The following CLIC4 variants were observed in gnomAD, a reference collection of about 807,000 sequenced individuals.
The protein encoded by CLIC4 is chloride intracellular channel protein 4.
In CLIC4, 13 loss-of-function variants were observed where a neutral mutation model predicts 24.6. The ratio of observed to expected loss-of-function variants is 0.53; its 90% confidence interval spans 0.34 to 0.84. The LOEUF (loss-of-function observed/expected upper bound fraction) is 0.84, where lower values mean the gene tolerates loss of function less well. Ranked by LOEUF, CLIC4 falls within the 40% of genes least tolerant of loss-of-function variation. CLIC4 has a pLI of 0.01. For missense variants in CLIC4, 227 were observed against 301.7 expected, an observed-to-expected ratio of 0.75 and a Z score of 1.83; for synonymous variants, 104 against 111.3, an observed-to-expected ratio of 0.93 and a Z score of 0.41.
chr1:24,802,250 T>C (rs1422147556), intron 2 of CLIC4, among the ~76,000 whole-genome samples: 2 of 152,094 alleles, frequency 1.3e-5, no homozygotes, highest in African/African-American at 4.8e-5. Flanking sequence ...TATTTCAGAG[T>C]TGTCTGTTTC....
intron 1 of CLIC4, among the ~76,000 whole-genome samples, chr1:24,796,508 AC>A (rs200022093): frequency 0.015 from 2,245 of 152,162 alleles, 68 homozygotes; most frequent in African/African-American, 0.052. Flanking sequence ...TTTTTATTCT[AC>A]TTTTTCTATG....
intron 1 of CLIC4, among the ~76,000 whole-genome samples, chr1:24,750,324 A>G (rs1001474380): frequency 3.5e-5 from 4 of 113,662 alleles, no homozygotes; most frequent in Non-Finnish European, 8.6e-5. Context: ...GGAGCCTGGT[A>G]GGTGTATATA....
chr1:24,835,507 G>T (rs934562438), intron 4 of CLIC4, among the ~76,000 whole-genome samples: 1 of 152,200 alleles, frequency 6.6e-6, no homozygotes, highest in Admixed American at 6.5e-5. Flanking sequence ...AGGTTGCAGC[G>T]AGCTGAGATT....
chr1:24,785,494 T>C (rs1225198866), intron 1 of CLIC4, among the ~76,000 whole-genome samples: 3 of 152,338 alleles, frequency 2.0e-5, no homozygotes, highest in South Asian at 4.1e-4. Context: ...CTGCAGACCC[T>C]GTAGAAGAAC....
intron 1 of CLIC4, among the ~76,000 whole-genome samples, chr1:24,752,003 G>A (rs1282317185): frequency 1.3e-5 from 2 of 152,198 alleles, no homozygotes; most frequent in African/African-American, 2.4e-5. Flanking sequence ...GCTGGGATTG[G>A]GGTGGTGTTT....
chr1:24,823,881 A>C (rs1639760477), intron 3 of CLIC4, among the ~76,000 whole-genome samples: 1 of 152,174 alleles, frequency 6.6e-6, no homozygotes, highest in African/African-American at 2.4e-5. Flanking sequence ...TCTTTCCTAA[A>C]AGCATGGAAA....
intron 3 of CLIC4, among the ~76,000 whole-genome samples, chr1:24,820,063 GTATGTATATATA>G (rs1371403797): frequency 3.6e-4 from 4 of 11,208 alleles, no homozygotes; most frequent in African/African-American, 7.3e-4. Context: ...AAAAAAAAAA[GTATGTATATATA>G]TATGTATATA....
chr1:24,773,534 G>T (rs565322699), intron 1 of CLIC4, among the ~76,000 whole-genome samples: 19 of 148,030 alleles, frequency 1.3e-4, no homozygotes, highest in Admixed American at 5.4e-4. Context: ...ATTTATCTTT[G>T]GTTAGCAGAT....
At chr1:24,792,756 A>G (rs531897845) in intron 1 of CLIC4, among the ~76,000 whole-genome samples, 25 of 152,328 alleles carry the variant, frequency 1.6e-4, no homozygotes, top group African/African-American at 5.8e-4. Flanking sequence ...GATATACCTG[A>G]AACAAAAGTA....
At chr1:24,746,742 C>T (rs912554155) in intron 1 of CLIC4, among the ~76,000 whole-genome samples, 2 of 152,178 alleles carry the variant, frequency 1.3e-5, no homozygotes, top group Non-Finnish European at 2.9e-5. Flanking sequence ...GGCGCGGTGG[C>T]TCATGCCTGT....
At chr1:24,821,205 A>AG (rs909746918) in intron 3 of CLIC4, among the ~76,000 whole-genome samples, 17 of 152,000 alleles carry the variant, frequency 1.1e-4, no homozygotes, top group Non-Finnish European at 2.4e-4. Context: ...AAGGAAAAAA[A>AG]AAAAGAATTT....
At chr1:24,758,149 T>G (rs1638874426) in intron 1 of CLIC4, among the ~76,000 whole-genome samples, 1 of 152,206 alleles carries the variant, frequency 6.6e-6, no homozygotes, top group African/African-American at 2.4e-5. Context: ...ATATTCATTG[T>G]GTGTATTATG....
intron 1 of CLIC4, among the ~76,000 whole-genome samples, chr1:24,757,438 T>C (rs1405846852): frequency 6.6e-6 from 1 of 152,120 alleles, no homozygotes; most frequent in Non-Finnish European, 1.5e-5. Context: ...AGAGTGAATA[T>C]TCATTAAAAA....
chr1:24,767,799 T>C (rs2124097896), intron 1 of CLIC4, among the ~76,000 whole-genome samples: 1 of 151,864 alleles, frequency 6.6e-6, no homozygotes, highest in Admixed American at 6.6e-5. Flanking sequence ...ATCTTATTGG[T>C]TCTGTACAAA....
chr1:24,768,948 T>C (rs2124099339), intron 1 of CLIC4, among the ~76,000 whole-genome samples: 1 of 150,388 alleles, frequency 6.6e-6, no homozygotes, highest in East Asian at 1.9e-4. Flanking sequence ...TTAGCATGTC[T>C]GTAATTGGTA....
chr1:24,836,936 A>G (rs1281568065), intron 4 of CLIC4, among the ~76,000 whole-genome samples: 1 of 152,252 alleles, frequency 6.6e-6, no homozygotes, highest in African/African-American at 2.4e-5. Flanking sequence ...AAAAGAATAA[A>G]GTGATGAAAA....
At chr1:24,773,327 T>G (rs908903020) in intron 1 of CLIC4, among the ~76,000 whole-genome samples, 2 of 152,190 alleles carry the variant, frequency 1.3e-5, no homozygotes, top group African/African-American at 2.4e-5. Flanking sequence ...TGGGGAAGAA[T>G]AATATTAATT....
chr1:24,842,680 A>AAAG lies in CLIC4; in HGVS notation c.*1744_*1745insAGA, dbSNP rs1639955501. 1 of 152,118 alleles carries AAAG rather than the reference A, an allele frequency of 6.6e-6. No homozygotes were observed. Among genetic ancestry groups the AAAG allele is most frequent in the Non-Finnish European group, 1.5e-5 (1 of 68,010 alleles). 9.4% of individuals were successfully genotyped at this position (152,118 alleles called of 1,614,324 possible). ...CTTAGAACTCTTTATTGCTTATCAA[A>AAAG]AGTTTGAGTACCCGCTTGGTTTTTT... On this transcript the variant is annotated 3_prime_UTR_variant, in exon 6 of 6. Transcript: ENST00000374379.
intron 1 of CLIC4, among the ~76,000 whole-genome samples, chr1:24,761,784 G>A (rs1356202603): frequency 6.6e-6 from 1 of 152,132 alleles, no homozygotes; most frequent in Non-Finnish European, 1.5e-5. Flanking sequence ...ATAAGGTGAT[G>A]GAGAGAAGAG....
Sources: allele counts gnomAD v4.1 joint callset (sites outside exome capture counted in the v4.1 genomes callset), GRCh38; gene constraint gnomAD v4.1.1; transcripts MANE v1.5; gene names NCBI Gene and HGNC (gene_info 2026-07-23, HGNC 2026-07-21).